Variants in TSHZ3 observed in about 807,000 individuals in gnomAD.
TSHZ3 encodes teashirt zinc finger homeobox 3.
Under a neutral mutation model 64.5 loss-of-function variants are expected in TSHZ3, and 10 were observed. The ratio of observed to expected loss-of-function variants is 0.16; its 90% CI spans 0.10 to 0.26. TSHZ3 has a LOEUF of 0.26. Among genes scored for constraint, TSHZ3 ranks in the 10% least tolerant of loss-of-function variants. The pLI, the probability that TSHZ3 is intolerant of heterozygous loss-of-function variation, is 1.00. For synonymous variants in TSHZ3, 608 were observed against 593.1 expected (o/e 1.03, Z -0.36); for missense variants, 1,242 against 1,421.7 (o/e 0.87, Z 2.03).
Position 31,277,153 on chromosome 19 carries a change from C to A in TSHZ3, c.2640G>T (p.Glu880Asp), listed in dbSNP as rs776748658. Residue 880 changes from glutamate (E) to aspartate (D), a missense_variant, in exon 2 of 2, where the codon GAG becomes GAT. Transcript: ENST00000240587. This position sits in a 1 kb window ranked among gnomAD's most constrained non-coding sequence, Gnocchi z 4.5. ...GGGCGGGCGTCGACTCCTCAGCCTC[C>A]TCCAGAGTGGCCCCGTCAATGTCAG... ...EKSDIDGATLEEAEESTPAQK... is the reference protein window; with the variant it reads ...EKSDIDGATLDEAEESTPAQK... 31 of 1,613,282 alleles carry A rather than the reference C, an allele frequency of 1.9e-5. No homozygotes were observed. In the Middle Eastern group the frequency reaches 5.0e-4, roughly 26 times the overall value.
At chr19:31,152,048 A>G (rs1288086780) in intron 6 of TSHZ3, among the ~76,000 whole-genome samples, 3 of 152,140 alleles carry the variant, frequency 2.0e-5, no homozygotes, top group Admixed American at 1.3e-4. Context: ...TCTTTCCTTC[A>G]TGGCTTTGTA....
At chr19:31,347,070 G>A (rs551658074) in intron 1 of TSHZ3, among the ~76,000 whole-genome samples, 3 of 152,028 alleles carry the variant, frequency 2.0e-5, no homozygotes, top group South Asian at 2.1e-4. Context: ...AAACAAAGTC[G>A]TTTTGACGGG....
At chr19:31,241,768 A>AG (rs1319216297) in intron 3 of TSHZ3, among the ~76,000 whole-genome samples, 2 of 152,248 alleles carry the variant, frequency 1.3e-5, no homozygotes, top group Non-Finnish European at 2.9e-5. Flanking sequence ...CTGAATGACC[A>AG]GAAATCTCCT....
At chr19:31,247,583 C>T (rs77679780) in intron 1 of TSHZ3, among the ~76,000 whole-genome samples, 1,829 of 152,180 alleles carry the variant, frequency 0.012, 37 homozygotes, top group African/African-American at 0.042. Context: ...AGATGAGCAC[C>T]GAAGGCAACT....
At chr19:31,246,124 GT>G (rs906662088) in intron 1 of TSHZ3, among the ~76,000 whole-genome samples, 2 of 151,976 alleles carry the variant, frequency 1.3e-5, no homozygotes, top group Admixed American at 1.3e-4. Context: ...CCAAGAGTTT[GT>G]TTTTTTTAAA....
intron 5 of TSHZ3, among the ~76,000 whole-genome samples, chr19:31,197,527 T>C (rs77724564): frequency 0.015 from 2,206 of 151,478 alleles, 46 homozygotes; most frequent in African/African-American, 0.051. Context: ...ACCAAAAGTA[T>C]GTTTTTAGAA....
intron 1 of TSHZ3, among the ~76,000 whole-genome samples, chr19:31,312,134 G>C (rs1916475565): frequency 6.6e-6 from 1 of 152,202 alleles, no homozygotes; most frequent in South Asian, 2.1e-4. Context: ...GTTGCTAGGA[G>C]AGGAGCACTG....
At chr19:31,324,622 C>T (rs4805679) in intron 1 of TSHZ3, among the ~76,000 whole-genome samples, 150,562 of 152,328 alleles carry the variant, frequency 0.99, 74,413 homozygotes, top group East Asian at 1. Flanking sequence ...TATGGAACTT[C>T]CCTGAAATCT....
chr19:31,283,384 T>C (rs1976400248), intron 1 of TSHZ3, among the ~76,000 whole-genome samples: 1 of 152,142 alleles, frequency 6.6e-6, no homozygotes, highest in African/African-American at 2.4e-5. Context: ...CCACCATGCT[T>C]TGCAATAATT....
At chr19:31,169,161 G>T (rs1387535143) in intron 5 of TSHZ3, among the ~76,000 whole-genome samples, 1 of 151,750 alleles carries the variant, frequency 6.6e-6, no homozygotes, top group East Asian at 1.9e-4. Flanking sequence ...TTCAAGCAGA[G>T]AAAAAGAAAG....
intron 5 of TSHZ3, among the ~76,000 whole-genome samples, chr19:31,174,614 T>C (rs1245165596): frequency 1.3e-5 from 2 of 152,220 alleles, no homozygotes; most frequent in African/African-American, 4.8e-5. Flanking sequence ...TATCTGGTTA[T>C]CTATTTATGG....
At chr19:31,237,874 C>G (rs1283546433) in intron 3 of TSHZ3, among the ~76,000 whole-genome samples, 2 of 152,070 alleles carry the variant, frequency 1.3e-5, no homozygotes, top group Non-Finnish European at 2.9e-5. Context: ...ATTGAAAAAG[C>G]TTGTTTTATT....
At chr19:31,258,397 T>A (rs1460652832) in intron 1 of TSHZ3, among the ~76,000 whole-genome samples, 6 of 152,182 alleles carry the variant, frequency 3.9e-5, no homozygotes. Context: ...GCTGTCTTGA[T>A]GGCCAGGAGA....
chr19:31,273,320 C>T (rs2145207501), downstream of TSHZ3, among the ~76,000 whole-genome samples: 1 of 152,302 alleles, frequency 6.6e-6, no homozygotes. Flanking sequence ...CAGTCCTTTC[C>T]TGGCTAAACG....
rs569008784 is a variant in TSHZ3 at position 31,299,711 on chromosome 19, C to T, written c.41-19959G>A. On this transcript the variant is annotated intron_variant, in intron 1 of 1. Coordinates refer to ENST00000240587, the MANE Select transcript of TSHZ3 (RefSeq NM_020856.4). ...AGGGGGCTCAAACGCTGCCTTACAG[C>T]TGTAAGACTCCTACTGTGCAAAGTT... 2.6e-5 allele frequency among the ~76,000 whole-genome samples: 4 copies of T among 152,234 alleles called. No individual in the cohort carries two copies. The East Asian group carries it at 7.7e-4, about 29-fold the overall frequency.
intron 4 of TSHZ3, among the ~76,000 whole-genome samples, chr19:31,218,303 T>A (rs1365619756): frequency 3.0e-5 from 2 of 66,914 alleles, no homozygotes; most frequent in Non-Finnish European, 6.4e-5. Flanking sequence ...ATGTCCTATG[T>A]CCTATGTCAT....
At chr19:31,252,353 G>T (rs1975854530) in intron 1 of TSHZ3, among the ~76,000 whole-genome samples, 1 of 152,090 alleles carries the variant, frequency 6.6e-6, no homozygotes, top group Non-Finnish European at 1.5e-5. Flanking sequence ...CTCTTGTAAG[G>T]ACACATGTCA....
intron 5 of TSHZ3, among the ~76,000 whole-genome samples, chr19:31,163,155 G>A (rs953226378): frequency 2.0e-5 from 3 of 152,182 alleles, no homozygotes; most frequent in African/African-American, 7.2e-5. Flanking sequence ...AAGCTTTGTT[G>A]GAAAAGAATG....
chr19:31,233,585 A>G (rs1318493326), intron 3 of TSHZ3, among the ~76,000 whole-genome samples: 1 of 152,098 alleles, frequency 6.6e-6, no homozygotes, highest in Admixed American at 6.5e-5. Flanking sequence ...AGCAATTTTA[A>G]TTTGATGATG....
Sources: gnomAD v4.1 joint callset for allele counts (sites outside exome capture counted in the v4.1 genomes callset) on GRCh38, gnomAD v4.1.1 for gene constraint, Gnocchi (gnomAD v3.1) non-coding constraint, MANE v1.5 for transcripts, NCBI Gene and HGNC (gene_info 2026-07-23, HGNC 2026-07-21) for gene names.